Variants in ABCC9 observed in about 807,000 individuals in gnomAD.
The protein encoded by ABCC9 is ATP-binding cassette sub-family C member 9.
Under a neutral mutation model 188.3 loss-of-function variants are expected in ABCC9, and 95 were observed. That is an observed-to-expected ratio of 0.50 (90% CI 0.43 to 0.60). The LOEUF is 0.60. ABCC9 is among the 20% of genes least tolerant of loss of function. ABCC9 has a pLI of 0.00. For missense variants in ABCC9, 1,102 were observed against 1,876.3 expected, an observed-to-expected ratio of 0.59 and a Z score of 7.62; for synonymous variants, 659 against 652.7, an observed-to-expected ratio of 1.01 and a Z score of -0.15.
At chr12:21,832,791 G>C (rs1037903852) in intron 30 of ABCC9, among the ~76,000 whole-genome samples, 7 of 152,140 alleles carry the variant, frequency 4.6e-5, no homozygotes, top group Non-Finnish European at 5.9e-5. Flanking sequence ...CAGAGGAAAA[G>C]AAGTCATTAT....
intron 7 of ABCC9, 66 bp downstream of exon 7, chr12:21,915,602 T>TG: frequency 6.4e-7 from 1 of 1,559,836 alleles, no homozygotes; most frequent in African/African-American, 1.4e-5. Flanking sequence ...AAGCTCTGCC[T>TG]CCCAGGTTCA....
chr12:21,922,834 A>C (rs1457689737), intron 5 of ABCC9: 1 of 150,792 alleles, frequency 6.6e-6, no homozygotes, highest in Non-Finnish European at 1.5e-5. Flanking sequence ...AGCCAAAGCA[A>C]ACTTCGGAGG....
intron 15 of ABCC9, among the ~76,000 whole-genome samples, chr12:21,883,665 C>T (rs1029070704): frequency 6.6e-6 from 1 of 152,064 alleles, no homozygotes; most frequent in African/African-American, 2.4e-5. Flanking sequence ...TCACATAAAT[C>T]AGATTGAGCT....
chr12:21,882,737 C>T, intron 16 of ABCC9, 29 bp downstream of exon 16: 2 of 1,524,570 alleles, frequency 1.3e-6, no homozygotes, highest in Non-Finnish European at 1.8e-6. Context: ...TGTTTCTATT[C>T]ATGTAAGAAT....
chr12:21,863,326 A>G (rs1401436709), intron 19 of ABCC9, among the ~76,000 whole-genome samples: 1 of 19,694 alleles, frequency 5.1e-5, no homozygotes, highest in Admixed American at 3.7e-4. Context: ...GGTCTAAACA[A>G]CTAATTGAAA....
At chr12:21,915,142 C>T (rs1177852885) in intron 7 of ABCC9, among the ~76,000 whole-genome samples, 1 of 151,088 alleles carries the variant, frequency 6.6e-6, no homozygotes, top group Non-Finnish European at 1.5e-5. Context: ...CTCAGGTGAT[C>T]CATCTGCCTC....
intron 12 of ABCC9, among the ~76,000 whole-genome samples, chr12:21,898,275 A>G (rs1284308888): frequency 6.6e-6 from 1 of 152,226 alleles, no homozygotes; most frequent in East Asian, 1.9e-4. Context: ...CTCTCAATAT[A>G]TCTTTGTTGT....
At chr12:21,878,887 G>T (rs890064712) in intron 16 of ABCC9, among the ~76,000 whole-genome samples, 10 of 152,118 alleles carry the variant, frequency 6.6e-5, no homozygotes, top group Non-Finnish European at 1.5e-4. Context: ...TTTACAAAAT[G>T]CACTAAATTC....
rs192150010 is a variant in ABCC9 at position 21,837,588 on chromosome 12, C to A, written c.3566+490G>T. The stretch of plus-strand genomic sequence containing the variant: ...TTTAGGTTATTACTCTGTTTACAAA[C>A]CTTGAAGAAAAAGGATTAAATTCTA... On this transcript the variant is annotated intron_variant, in intron 30 of 39. Coordinates refer to ENST00000261200, the MANE Select transcript of ABCC9 (RefSeq NM_020297.4). Among the ~76,000 whole-genome samples the A allele has an allele frequency of 3.3e-5, 5 of 152,074 alleles. 1 individual carries two copies. The highest frequency in any genetic ancestry group is 3.3e-4 in the Admixed American group (5 of 15,268).
At chr12:21,847,675 A>G (rs1272824605) in intron 25 of ABCC9, among the ~76,000 whole-genome samples, 11 of 125,846 alleles carry the variant, frequency 8.7e-5, no homozygotes, top group Admixed American at 8.1e-4. Context: ...AAACTGAAAC[A>G]TAACAAATGG....
chr12:21,891,274 G>A (rs546419951), intron 14 of ABCC9, among the ~76,000 whole-genome samples: 121 of 152,316 alleles, frequency 7.9e-4, no homozygotes, highest in African/African-American at 2.7e-3. Flanking sequence ...ATGGTGGTAA[G>A]ACGGTGAAAT....
At position 21,799,513 on chromosome 12, in the gene ABCC9, A is replaced by C. The variant is rs1941333949; in HGVS notation, c.*1531T>G. 6.6e-6 allele frequency: 1 copy of C among 152,120 alleles called. No homozygotes were observed. The highest frequency in any genetic ancestry group is 1.9e-4 in the East Asian group (1 of 5,200). 9.4% of individuals were successfully genotyped at this position (152,120 alleles called of 1,614,324 possible). On this transcript the variant is annotated 3_prime_UTR_variant, in exon 40 of 40. Coordinates refer to ENST00000261200, the MANE Select transcript of ABCC9 (RefSeq NM_020297.4). Reference sequence around the variant, plus strand: ...CAAGGAAGTTTTATATACACAACAAAAGGTTACAATTTAAGCTAAATATCA... The same window carrying C: ...CAAGGAAGTTTTATATACACAACAACAGGTTACAATTTAAGCTAAATATCA...
chr12:21,859,692 C>T (rs766989571), intron 21 of ABCC9, 26 bp from the exon 22 acceptor site: 1 of 1,592,200 alleles, frequency 6.3e-7, no homozygotes, highest in African/African-American at 1.3e-5. Context: ...CCCCAAATAC[C>T]CATTTTTTAA....
At chr12:21,931,262 C>G (rs1949274575) in intron 4 of ABCC9, among the ~76,000 whole-genome samples, 1 of 151,942 alleles carries the variant, frequency 6.6e-6, no homozygotes, top group Non-Finnish European at 1.5e-5. Context: ...TCTTTTTCCC[C>G]TTTGCTCTGC....
chr12:21,875,498 A>G lies in ABCC9; in HGVS notation c.2092+156T>C, dbSNP rs74704795. ...TCTTATCATTTCCAGCCATTCCCAC[A>G]GTGACACAGTGGCTCGCAAGCACAA... On this transcript the variant is annotated intron_variant, in intron 17 of 39. Coordinates refer to ENST00000261200, the MANE Select transcript of ABCC9 (RefSeq NM_020297.4). Among the ~76,000 whole-genome samples, 1,111 of 152,318 alleles carry G rather than the reference A, an allele frequency of 7.3e-3. 6 individuals are homozygous for G. Among genetic ancestry groups the G allele is most frequent in the East Asian group, 0.014 (74 of 5,180 alleles).
chr12:21,842,448 A>C lies in ABCC9; in HGVS notation c.3339T>G (p.Ser1113=), dbSNP rs138280089. 86 of 1,614,166 alleles carry C rather than the reference A, an allele frequency of 5.3e-5. No individual in the cohort carries two copies. In the African/African-American group the frequency reaches 9.7e-4, roughly 18 times the overall value. The change falls in exon 29 of 40, where the codon TCT becomes TCG. Residue 1113 remains serine, a synonymous_variant. Transcript: ENST00000261200. ...GGCAGAGCAGTGTTGAGCGAGTTAG[A>C]GATTCCAAGGTTGGAGGGATGTGCT... ...IDQHIPPTLE[S]LTRSTLLCLS...
chr12:21,832,355 C>T (rs993887329), intron 30 of ABCC9, among the ~76,000 whole-genome samples: 1 of 151,998 alleles, frequency 6.6e-6, no homozygotes, highest in Non-Finnish European at 1.5e-5. Context: ...TCTGGGGACT[C>T]CAGTTAGCTT....
At chr12:21,832,495 A>G (rs1446977759) in intron 30 of ABCC9, among the ~76,000 whole-genome samples, 1 of 152,180 alleles carries the variant, frequency 6.6e-6, no homozygotes, top group African/African-American at 2.4e-5. Flanking sequence ...TTGGGTTTAA[A>G]AATGCTGATA....
intron 4 of ABCC9, among the ~76,000 whole-genome samples, 168 bp from the exon 5 acceptor site, chr12:21,926,231 T>C (rs1229874785): frequency 6.6e-6 from 1 of 152,162 alleles, no homozygotes; most frequent in Non-Finnish European, 1.5e-5. Context: ...TTGAAAGACA[T>C]CGTTCTGCGG....
Sources: allele counts gnomAD v4.1 joint callset (sites outside exome capture counted in the v4.1 genomes callset), GRCh38; gene constraint gnomAD v4.1.1; transcripts MANE v1.5; gene names NCBI Gene and HGNC (gene_info 2026-07-23, HGNC 2026-07-21).